The following TBCC variants were observed in gnomAD, a reference collection of about 807,000 sequenced individuals.
The protein encoded by TBCC is tubulin folding cofactor C.
A neutral mutation model predicts 25.3 loss-of-function variants in TBCC; 25 were observed. The observed-to-expected ratio is 0.99, with a 90% confidence interval of 0.72 to 1.38. TBCC has a LOEUF of 1.38. Among genes scored for constraint, TBCC ranks in the 40% most tolerant of loss-of-function variants. The probability of loss-of-function intolerance (pLI) is 0.00; values close to 1 mark genes in which losing one functional copy is unlikely to be tolerated. For missense variants in TBCC, 507 were observed against 447.2 expected (o/e 1.13, Z -1.21); for synonymous variants, 226 against 192.8 (o/e 1.17, Z -1.43).
rs1329287607 is a variant in TBCC at position 42,745,675 on chromosome 6, G to A, written c.399C>T (p.Pro133=). The A allele has an allele frequency of 6.2e-7, 1 of 1,611,806 alleles. No homozygotes were observed. Among genetic ancestry groups the A allele is most frequent in the Non-Finnish European group, 8.5e-7 (1 of 1,179,142 alleles). Residue 133 remains proline, a synonymous_variant, in exon 1 of 1, where the codon CCC becomes CCT. Transcript: ENST00000372876. The surrounding 1 kb of genome is among the most constrained non-coding windows in gnomAD (Gnocchi z 4.2). ...ALAERRRGLQ[P]KKRFAFKTRG... is the part of the protein sequence containing the mutation. The stretch of plus-strand genomic sequence containing the variant: ...GGGTCTTGAAAGCGAAACGCTTCTT[G>A]GGCTGCAGCCCCCGGCGCCGCTCGG...
Position 42,745,090 on chromosome 6 carries a change from C to A in TBCC, c.984G>T (p.Met328Ile). ...GAAGAATACTCCAGTTTGGGGAGGC[C>A]ATATCCCGGGCCAGCCAGTTAAAAT... ...VDDFNWLARD[M>I]ASPNWSILPE... The change falls in exon 1 of 1, where the codon ATG (methionine) becomes ATT (isoleucine). Residue 328 changes from methionine to isoleucine, a missense_variant. Met to Ile is a conservative substitution (Grantham distance 10, BLOSUM62 1). Coordinates refer to ENST00000372876, the MANE Select transcript of TBCC (RefSeq NM_003192.3). This position sits in a 1 kb window ranked among gnomAD's most constrained non-coding sequence, Gnocchi z 4.2. The A allele has an allele frequency of 1.2e-6, 2 of 1,614,186 alleles. No individual in the cohort carries two copies. Among genetic ancestry groups the A allele is most frequent in the South Asian group, 2.2e-5 (2 of 91,086 alleles).
Position 42,745,926 on chromosome 6 carries a change from G to A in TBCC, c.148C>T (p.Gln50Ter), listed in dbSNP as rs1448089308. ...TGGCTGTTCTCCTTCTCTACCTCCT[G>A]GTTCTGCCGCTTTTGTTTCCGCCTT... The part of the protein sequence containing the change: ...VERRKQKRQN[Q>*]EVEKENSHFF... Residue 50 changes from glutamine to a stop codon, truncating the protein, a stop_gained, in exon 1 of 1, where the codon CAG becomes TAG. Coordinates refer to ENST00000372876, the MANE Select transcript of TBCC (RefSeq NM_003192.3). LOFTEE classifies it high-confidence loss of function. The surrounding 1 kb of genome is among the most constrained non-coding windows in gnomAD (Gnocchi z 4.2). The A allele has an allele frequency of 7.4e-6, 12 of 1,614,100 alleles. No homozygotes were observed. The highest frequency in any genetic ancestry group is 1.0e-5 in the Non-Finnish European group (12 of 1,180,054).
Position 42,745,956 on chromosome 6 carries a change from C to T in TBCC, c.118G>A (p.Val40Ile), listed in dbSNP as rs776874627. 4.3e-6 allele frequency: 7 copies of T among 1,614,118 alleles called. No homozygotes were observed. The highest frequency in any genetic ancestry group is 4.0e-5 in the African/African-American group (3 of 74,952). Reference sequence around the variant, plus strand: ...TGCCGCTTTTGTTTCCGCCTTTCAACTTCCAGCTGCCGTTCTTGTTCGCGT... The same window carrying T: ...TGCCGCTTTTGTTTCCGCCTTTCAATTTCCAGCTGCCGTTCTTGTTCGCGT... ...QRREQERQLE[V>I]ERRKQKRQNQ... Residue 40 changes from valine to isoleucine, a missense_variant, in exon 1 of 1, where the codon GTT (valine) becomes ATT (isoleucine). By Grantham distance (29) the Val-to-Ile change is conservative. Transcript: ENST00000372876. The surrounding 1 kb of genome is among the most constrained non-coding windows in gnomAD (Gnocchi z 4.2).
Position 42,745,549 on chromosome 6 carries a change from TTCC to T in TBCC, c.522_524del (p.Glu175del), listed in dbSNP as rs1762248582. On this transcript the variant is annotated inframe_deletion, in exon 1 of 1. Transcript: ENST00000372876. This position sits in a 1 kb window ranked among gnomAD's most constrained non-coding sequence, Gnocchi z 4.2. Reference sequence around the variant, plus strand: ...AGACCCAGCTGGGGCCGAGGTCTCCTTCCGCCTTCTTGGGCAGCGGGGAGTCCT... The same window carrying T: ...AGACCCAGCTGGGGCCGAGGTCTCCTGCCTTCTTGGGCAGCGGGGAGTCCT... 1.2e-6 allele frequency: 2 copies of T among 1,611,868 alleles called. No homozygotes were observed. The highest frequency in any genetic ancestry group is 2.7e-5 in the African/African-American group (2 of 75,046).
rs1357325370 is a variant in TBCC, at chr6:42,745,128, T to C, written c.946A>G (p.Asn316Asp). Residue 316 changes from asparagine to aspartate, a missense_variant, in exon 1 of 1, where the codon AAC (asparagine) becomes GAC (aspartate). Asn to Asp is a conservative substitution (Grantham distance 23). Coordinates refer to ENST00000372876, the MANE Select transcript of TBCC (RefSeq NM_003192.3). The surrounding 1 kb of genome is among the most constrained non-coding windows in gnomAD (Gnocchi z 4.2). ...SGLDRSKNNW[N>D]DVDDFNWLAR... is the part of the protein sequence containing the mutation. ...AGCCAGTTAAAATCGTCAACATCGTTCCAGTTATTTTTGCTCCTATCTAAA... is the reference window on the plus strand; with the variant it reads ...AGCCAGTTAAAATCGTCAACATCGTCCCAGTTATTTTTGCTCCTATCTAAA... 1 of 1,614,174 alleles carries C rather than the reference T, an allele frequency of 6.2e-7. No homozygotes were observed.
chr6:42,745,212 G>A lies in TBCC; in HGVS notation c.862C>T (p.Gln288Ter), dbSNP rs1483911398. ...TAGCTCCAGGTGTAAGGGGCGAACT[G>A]GATCCCACTGCAGTCCTCCACGATG... ...RAIVEDCSGI[Q>*]FAPYTWSYPE... The change falls in exon 1 of 1, where the codon CAG becomes TAG. Residue 288 changes from glutamine to a stop codon, truncating the protein, a stop_gained. Coordinates refer to ENST00000372876, the MANE Select transcript of TBCC (RefSeq NM_003192.3). LOFTEE classifies it high-confidence loss of function. The surrounding 1 kb of genome is among the most constrained non-coding windows in gnomAD (Gnocchi z 4.2). 10 of 1,614,228 alleles carry A rather than the reference G, an allele frequency of 6.2e-6. No individual in the cohort carries two copies. The highest frequency in any genetic ancestry group is 1.1e-5 in the South Asian group (1 of 91,090).
Position 42,745,624 on chromosome 6 carries a change from G to A in TBCC, c.450C>T (p.Thr150=), listed in dbSNP as rs1285247546. The change falls in exon 1 of 1, where the codon ACC becomes ACT. Residue 150 remains threonine (T), a synonymous_variant. Coordinates refer to ENST00000372876, the MANE Select transcript of TBCC (RefSeq NM_003192.3). This position sits in a 1 kb window ranked among gnomAD's most constrained non-coding sequence, Gnocchi z 4.2. ...GGATGCCAGGAGCCGCGTCTACTTT[G>A]GTAGACGAAGCAGCATCCTTTCCCC... ...KTRGKDAASS[T]KVDAAPGIPP... 1 of 1,612,992 alleles carries A rather than the reference G, an allele frequency of 6.2e-7. No individual in the cohort carries two copies. The highest frequency in any genetic ancestry group is 8.5e-7 in the Non-Finnish European group (1 of 1,179,434).
chr6:42,745,819 C>T lies in TBCC; in HGVS notation c.255G>A (p.Glu85=), dbSNP rs1762257485. 6.2e-7 allele frequency: 1 copy of T among 1,613,156 alleles called. No homozygotes were observed. The highest frequency in any genetic ancestry group is 1.1e-5 in the South Asian group (1 of 91,090). The change falls in exon 1 of 1, where the codon GAG becomes GAA. Residue 85 remains glutamate, a synonymous_variant. Coordinates refer to ENST00000372876, the MANE Select transcript of TBCC (RefSeq NM_003192.3). The surrounding 1 kb of genome is among the most constrained non-coding windows in gnomAD (Gnocchi z 4.2). ...GCCCCTGGAGCCGAGAGGCCGCCTCCTCCAGCCGCTCGACCGACTCCGCGC... is the reference window on the plus strand; with the variant it reads ...GCCCCTGGAGCCGAGAGGCCGCCTCTTCCAGCCGCTCGACCGACTCCGCGC... ...LERAESVERL[E]EAASRLQGLQ... is the part of the protein sequence containing the mutation.
rs765898231 is a variant in TBCC, at chr6:42,745,613, G to A, written c.461C>T (p.Ala154Val). 3 of 1,611,812 alleles carry A rather than the reference G, an allele frequency of 1.9e-6. No individual in the cohort carries two copies. The highest frequency in any genetic ancestry group is 1.3e-5 in the African/African-American group (1 of 74,914). Reference protein sequence around the residue: ...KDAASSTKVDAAPGIPPAVES... With the variant: ...KDAASSTKVDVAPGIPPAVES... Reference sequence around the variant, plus strand: ...AACTGCCGGGGGGATGCCAGGAGCCGCGTCTACTTTGGTAGACGAAGCAGC... The same window carrying A: ...AACTGCCGGGGGGATGCCAGGAGCCACGTCTACTTTGGTAGACGAAGCAGC... Residue 154 changes from alanine (A) to valine (V), a missense_variant, in exon 1 of 1, where the codon GCG becomes GTG. Transcript: ENST00000372876. The surrounding 1 kb of genome is among the most constrained non-coding windows in gnomAD (Gnocchi z 4.2).
rs2234025 is a variant in TBCC at position 42,746,032 on chromosome 6, T to A, written c.42A>T (p.Gly14=). Residue 14 remains glycine, a synonymous_variant, in exon 1 of 1, where the codon GGA becomes GGT. Transcript: ENST00000372876. ...TCAGGTCCCGCTGGGACTCCATGTC[T>A]CCGGTCCTGACAGCAGCAGCGGAGC... ...VSCSAAAVRT[G]DMESQRDLSL... 1 of 1,614,044 alleles carries A rather than the reference T, an allele frequency of 6.2e-7. No homozygotes were observed.
Position 42,745,838 on chromosome 6 carries a change from T to TC in TBCC, c.235dup (p.Glu79GlyfsTer85). On this transcript the variant is annotated frameshift_variant, in exon 1 of 1. Coordinates refer to ENST00000372876, the MANE Select transcript of TBCC (RefSeq NM_003192.3). LOFTEE classifies it high-confidence loss of function. The surrounding 1 kb of genome is among the most constrained non-coding windows in gnomAD (Gnocchi z 4.2). ...CGCCTCCTCCAGCCGCTCGACCGAC[T>TC]CCGCGCGCTCCAGAAGCTCTTCCAC... is the stretch of plus-strand genomic sequence containing the variant. 6.2e-7 allele frequency: 1 copy of TC among 1,613,418 alleles called. No individual in the cohort carries two copies. Among genetic ancestry groups the TC allele is most frequent in the East Asian group, 2.2e-5 (1 of 44,878 alleles).
rs920368772 is a variant in TBCC at position 42,746,005 on chromosome 6, G to A, written c.69C>T (p.Ser23=). The A allele has an allele frequency of 1.9e-6, 3 of 1,614,048 alleles. No individual in the cohort carries two copies. The African/African-American group carries it at 4.0e-5, about 22-fold the overall frequency. Residue 23 remains serine (S), a synonymous_variant, in exon 1 of 1, where the codon AGC becomes AGT. Coordinates refer to ENST00000372876, the MANE Select transcript of TBCC (RefSeq NM_003192.3). The part of the protein sequence containing the change: ...TGDMESQRDL[S]LVPERLQRRE... ...GTCTCTGAAGCCGCTCAGGCACCAGGCTCAGGTCCCGCTGGGACTCCATGT... is the reference window on the plus strand; with the variant it reads ...GTCTCTGAAGCCGCTCAGGCACCAGACTCAGGTCCCGCTGGGACTCCATGT...
rs758008012 is a variant in TBCC at position 42,745,234 on chromosome 6, G to A, written c.840C>T (p.Ile280=). Residue 280 remains isoleucine, a synonymous_variant, in exon 1 of 1, where the codon ATC becomes ATT. Transcript: ENST00000372876. The surrounding 1 kb of genome is among the most constrained non-coding windows in gnomAD (Gnocchi z 4.2). The stretch of plus-strand genomic sequence containing the variant: ...ACTGGATCCCACTGCAGTCCTCCAC[G>A]ATGGCCCTGCTGGTCACCTGCAGGA... ...RIFLQVTSRA[I]VEDCSGIQFA... 5 of 1,614,208 alleles carry A rather than the reference G, an allele frequency of 3.1e-6. No homozygotes were observed. In the Middle Eastern group the frequency reaches 4.9e-4, roughly 160 times the overall value.
Position 42,745,155 on chromosome 6 carries a change from C to T in TBCC, c.919G>A (p.Gly307Ser). The change falls in exon 1 of 1, where the codon GGT (glycine) becomes AGT (serine). Residue 307 changes from glycine to serine, a missense_variant. By Grantham distance (56) the Gly-to-Ser change is moderately conservative. Coordinates refer to ENST00000372876, the MANE Select transcript of TBCC (RefSeq NM_003192.3). This position sits in a 1 kb window ranked among gnomAD's most constrained non-coding sequence, Gnocchi z 4.2. ...CAGTTATTTTTGCTCCTATCTAAAC[C>T]AGAGCTCTCGAAGTCCTTGTCGATC... is the stretch of plus-strand genomic sequence containing the variant. ...PEIDKDFESS[G>S]LDRSKNNWND... 1 of 1,614,162 alleles carries T rather than the reference C, an allele frequency of 6.2e-7. No individual in the cohort carries two copies. Among genetic ancestry groups the T allele is most frequent in the Non-Finnish European group, 8.5e-7 (1 of 1,180,036 alleles).
At position 42,745,653 on chromosome 6, in the gene TBCC, T is replaced by A. The variant is rs749150201; in HGVS notation, c.421A>T (p.Thr141Ser). The A allele has an allele frequency of 6.2e-6, 10 of 1,611,946 alleles. No individual in the cohort carries two copies. Among genetic ancestry groups the A allele is most frequent in the Non-Finnish European group, 8.5e-6 (10 of 1,179,118 alleles). ...LQPKKRFAFK[T>S]RGKDAASSTK... The stretch of plus-strand genomic sequence containing the variant: ...GACGAAGCAGCATCCTTTCCCCGGG[T>A]CTTGAAAGCGAAACGCTTCTTGGGC... Residue 141 changes from threonine to serine, a missense_variant, in exon 1 of 1, where the codon ACC becomes TCC. Coordinates refer to ENST00000372876, the MANE Select transcript of TBCC (RefSeq NM_003192.3). This position sits in a 1 kb window ranked among gnomAD's most constrained non-coding sequence, Gnocchi z 4.2.
chr6:42,746,057 C>G lies in TBCC; in HGVS notation c.17G>C (p.Cys6Ser), dbSNP rs375456367. Residue 6 changes from cysteine to serine, a missense_variant, in exon 1 of 1, where the codon TGC becomes TCC. Coordinates refer to ENST00000372876, the MANE Select transcript of TBCC (RefSeq NM_003192.3). MESVS[C>S]SAAAVRTGDM... ...TCCGGTCCTGACAGCAGCAGCGGAGCAACTGACGGACTCCATATTGGCTTC... is the reference window on the plus strand; with the variant it reads ...TCCGGTCCTGACAGCAGCAGCGGAGGAACTGACGGACTCCATATTGGCTTC... 114 of 1,613,068 alleles carry G rather than the reference C, an allele frequency of 7.1e-5. No individual in the cohort carries two copies. The highest frequency in any genetic ancestry group is 9.0e-5 in the Non-Finnish European group (106 of 1,179,356).
rs1441153364 is a variant in TBCC at position 42,745,149 on chromosome 6, C to T, written c.925G>A (p.Asp309Asn). 9 of 1,614,242 alleles carry T rather than the reference C, an allele frequency of 5.6e-6. No homozygotes were observed. In the South Asian group the frequency reaches 7.7e-5, roughly 14 times the overall value. ...IDKDFESSGL[D>N]RSKNNWNDVD... ...TCGTTCCAGTTATTTTTGCTCCTAT[C>T]TAAACCAGAGCTCTCGAAGTCCTTG... Residue 309 changes from aspartate (D) to asparagine (N), a missense_variant, in exon 1 of 1, where the codon GAT becomes AAT. Physicochemically the swap from Asp to Asn is conservative, Grantham distance 23 (BLOSUM62 1). Coordinates refer to ENST00000372876, the MANE Select transcript of TBCC (RefSeq NM_003192.3). The surrounding 1 kb of genome is among the most constrained non-coding windows in gnomAD (Gnocchi z 4.2).
chr6:42,744,942 G>C lies in TBCC; in HGVS notation c.*91C>G. 1 of 1,215,454 alleles carries C rather than the reference G, an allele frequency of 8.2e-7. No homozygotes were observed. The highest frequency in any genetic ancestry group is 1.2e-6 in the Non-Finnish European group (1 of 855,544). 75.3% of individuals were successfully genotyped at this position (1,215,454 alleles called of 1,614,324 possible). On this transcript the variant is annotated 3_prime_UTR_variant, in exon 1 of 1. Transcript: ENST00000372876. ...CCTTAAAATGCTGAAAACATACACA[G>C]TGTGACAATAAGTAAACTTCGAGAC...
Position 42,745,064 on chromosome 6 carries a change from G to A in TBCC, c.1010C>T (p.Pro337Leu). 1 of 1,614,210 alleles carries A rather than the reference G, an allele frequency of 6.2e-7. No homozygotes were observed. The highest frequency in any genetic ancestry group is 8.5e-7 in the Non-Finnish European group (1 of 1,180,018). ...CCACTGGATATTTCGCTCCTCTTCA[G>A]GAAGAATACTCCAGTTTGGGGAGGC... The part of the protein sequence containing the change: ...DMASPNWSIL[P>L]EEERNIQWD Residue 337 changes from proline to leucine, a missense_variant, in exon 1 of 1, where the codon CCT becomes CTT. Physicochemically the swap from Pro to Leu is moderately conservative, Grantham distance 98. Transcript: ENST00000372876. This position sits in a 1 kb window ranked among gnomAD's most constrained non-coding sequence, Gnocchi z 4.2.
Sources: allele counts gnomAD v4.1 joint callset, GRCh38; gene constraint gnomAD v4.1.1; non-coding constraint Gnocchi (gnomAD v3.1); transcripts MANE v1.5; gene names NCBI Gene and HGNC (gene_info 2026-07-23, HGNC 2026-07-21).